Variants in IGFBP2 observed in about 807,000 individuals in gnomAD.
The protein encoded by IGFBP2 is insulin-like growth factor-binding protein 2.
In IGFBP2, 12 loss-of-function variants were observed where a neutral mutation model predicts 26.2. The ratio of observed to expected loss-of-function variants is 0.46; its 90% confidence interval spans 0.29 to 0.74. IGFBP2 has a LOEUF of 0.74. Ranked by LOEUF, IGFBP2 falls within the 30% of genes least tolerant of loss-of-function variation. IGFBP2 has a pLI of 0.09. For synonymous variants in IGFBP2, 189 were observed against 200.6 expected, an observed-to-expected ratio of 0.94 and a Z score of 0.49; for missense variants, 328 against 441.2, an observed-to-expected ratio of 0.74 and a Z score of 2.30.
chr2:216,652,076 T>C (rs1697837256), intron 1 of IGFBP2, among the ~76,000 whole-genome samples: 1 of 152,090 alleles, frequency 6.6e-6, no homozygotes, highest in Non-Finnish European at 1.5e-5. Context: ...CACATTTTTT[T>C]CTAAAGCTTG....
intron 1 of IGFBP2, among the ~76,000 whole-genome samples, chr2:216,643,794 C>T (rs1332225391): frequency 6.6e-6 from 1 of 152,178 alleles, no homozygotes; most frequent in African/African-American, 2.4e-5. Context: ...GGAGGGCTTT[C>T]ATGGTGGAGG....
At chr2:216,658,001 A>G (rs1483076823) in intron 1 of IGFBP2, among the ~76,000 whole-genome samples, 1 of 152,162 alleles carries the variant, frequency 6.6e-6, no homozygotes, top group African/African-American at 2.4e-5. Context: ...TGATGTCCCA[A>G]GATCATCGTC....
chr2:216,633,410 G>A (rs939685985), upstream of IGFBP2: 11 of 170,712 alleles, frequency 6.4e-5, no homozygotes, highest in Non-Finnish European at 9.5e-5. Flanking sequence ...CGGCTGCGGC[G>A]GCGAGGGAGG....
intron 1 of IGFBP2, among the ~76,000 whole-genome samples, chr2:216,649,338 G>A (rs1697774234): frequency 1.3e-5 from 2 of 152,098 alleles, no homozygotes; most frequent in South Asian, 2.1e-4. Flanking sequence ...AACACTTTTG[G>A]ATCTGGTTGC....
At chr2:216,660,263 A>C (rs2270360) in intron 1 of IGFBP2, among the ~76,000 whole-genome samples, 34,498 of 152,018 alleles carry the variant, frequency 0.23, 4,863 homozygotes, top group East Asian at 0.42. Context: ...TCAAATCCTG[A>C]ATCCATCGCT....
intron 2 of IGFBP2, chr2:216,661,554 C>T (rs1474223843): frequency 2.4e-5 from 11 of 461,054 alleles, no homozygotes; most frequent in South Asian, 6.1e-5. Flanking sequence ...AGACTCGAGA[C>T]GGCCACTTAG....
intron 1 of IGFBP2, among the ~76,000 whole-genome samples, chr2:216,655,958 A>G (rs1473176190): frequency 4.6e-5 from 7 of 152,078 alleles, no homozygotes; most frequent in African/African-American, 1.4e-4. Context: ...ATGCAAATGT[A>G]TTAATATTAT....
At chr2:216,659,279 T>G (rs956893408) in intron 1 of IGFBP2, among the ~76,000 whole-genome samples, 4 of 152,206 alleles carry the variant, frequency 2.6e-5, no homozygotes, top group African/African-American at 9.6e-5. Context: ...GGTGAGTGAG[T>G]GAATACTCTT....
Position 216,660,694 on chromosome 2 carries a change from A to G in IGFBP2, c.580A>G (p.Lys194Glu). Residue 194 changes from lysine to glutamate, a missense_variant, in exon 2 of 4, where the codon AAG becomes GAG. By Grantham distance (56) the Lys-to-Glu change is moderately conservative. Transcript: ENST00000233809. ...GAAGGAGCTGGCCGTGTTCCGGGAG[A>G]AGGTCACTGAGCAGCACCGGCAGAT... ...GMKELAVFRE[K>E]VTEQHRQMGK... 1 of 1,613,958 alleles carries G rather than the reference A, an allele frequency of 6.2e-7. No individual in the cohort carries two copies. The highest frequency in any genetic ancestry group is 8.5e-7 in the Non-Finnish European group (1 of 1,179,980).
rs1170618157 is a variant in IGFBP2, at chr2:216,633,562, G to GCCA, written c.41_42insACC (p.Pro16dup). ...TGGGCTGCCCCGCGCTGCCGCTGCC[G>GCCA]CCGCCGCCGCTGCTGCCGCTGCTGC... On this transcript the variant is annotated inframe_insertion, in exon 1 of 4. Coordinates refer to ENST00000233809, the MANE Select transcript of IGFBP2 (RefSeq NM_000597.3). The GCCA allele has an allele frequency of 1.0e-6, 1 of 980,152 alleles. No homozygotes were observed. Among genetic ancestry groups the GCCA allele is most frequent in the Non-Finnish European group, 1.2e-6 (1 of 836,988 alleles). 60.7% of individuals were successfully genotyped at this position (980,152 alleles called of 1,614,324 possible).
At chr2:216,652,229 A>G (rs977252409) in intron 1 of IGFBP2, among the ~76,000 whole-genome samples, 8 of 146,688 alleles carry the variant, frequency 5.5e-5, no homozygotes, top group African/African-American at 2.0e-4. Flanking sequence ...GCTGGAGCGC[A>G]ATGGCGCGAT....
At chr2:216,659,595 T>G in intron 1 of IGFBP2, 1 of 753,160 alleles carries the variant, frequency 1.3e-6, no homozygotes, top group South Asian at 1.5e-5. Flanking sequence ...CTCCTTTGGC[T>G]GGACGTGCCT....
Position 216,633,633 on chromosome 2 carries a change from A to C in IGFBP2, c.110A>C (p.Glu37Ala). The change falls in exon 1 of 4, where the codon GAG (glutamate) becomes GCG (alanine). Residue 37 changes from glutamate to alanine, a missense_variant. Coordinates refer to ENST00000233809, the MANE Select transcript of IGFBP2 (RefSeq NM_000597.3). ...ASGGGGGARAEVLFRCPPCTP... is the reference protein window; with the variant it reads ...ASGGGGGARAAVLFRCPPCTP... Reference sequence around the variant, plus strand: ...GGCGGCGGCGGCGGGGCGCGCGCGGAGGTGCTGTTCCGCTGCCCGCCCTGC... The same window carrying C: ...GGCGGCGGCGGCGGGGCGCGCGCGGCGGTGCTGTTCCGCTGCCCGCCCTGC... The C allele has an allele frequency of 9.6e-7, 1 of 1,038,362 alleles. No individual in the cohort carries two copies. The highest frequency in any genetic ancestry group is 1.2e-6 in the Non-Finnish European group (1 of 867,176). The allele number at this position is 1,038,362 out of a possible 1,614,324, so 64.3% of individuals were successfully genotyped here.
chr2:216,659,061 C>T (rs756054820), intron 1 of IGFBP2, among the ~76,000 whole-genome samples: 4 of 152,162 alleles, frequency 2.6e-5, no homozygotes, highest in Non-Finnish European at 5.9e-5. Context: ...CTGGGGACGG[C>T]GTGCTGGCTT....
At chr2:216,652,815 C>T (rs1464772033) in intron 1 of IGFBP2, among the ~76,000 whole-genome samples, 1 of 152,218 alleles carries the variant, frequency 6.6e-6, no homozygotes, top group Non-Finnish European at 1.5e-5. Context: ...GGCCAGCCTT[C>T]ATTCCCCTGG....
intron 1 of IGFBP2, among the ~76,000 whole-genome samples, chr2:216,639,562 G>T (rs1348057790): frequency 2.7e-5 from 4 of 149,454 alleles, no homozygotes; most frequent in Non-Finnish European, 4.4e-5. Context: ...AAAAAAGCTT[G>T]TTTTTTTTTT....
Position 216,634,906 on chromosome 2 carries a change from T to TGTTTTTTTA in IGFBP2, c.442+941_442+942insGTTTTTTTA, listed in dbSNP as rs371560018. Reference sequence around the variant, plus strand: ...TAAGGAGGTTACTTTTTTTTTTTTTTAATTACGAAAGCCTCCTGCCCCAGT... The same window carrying TGTTTTTTTA: ...TAAGGAGGTTACTTTTTTTTTTTTTTGTTTTTTTAAATTACGAAAGCCTCCTGCCCCAGT... On this transcript the variant is annotated intron_variant, in intron 1 of 3. Coordinates refer to ENST00000233809, the MANE Select transcript of IGFBP2 (RefSeq NM_000597.3). 2.4e-3 allele frequency among the ~76,000 whole-genome samples: 312 copies of TGTTTTTTTA among 128,520 alleles called. 4 individuals carry two copies. The highest frequency in any genetic ancestry group is 3.9e-3 in the Non-Finnish European group (239 of 61,808). 84.3% of individuals were successfully genotyped at this position (128,520 alleles called of 152,430 possible). A position where few individuals can be genotyped will look rare whatever the true frequency, so the allele number is the denominator to read the frequency against.
chr2:216,664,256 ACCTCCCCGG>A lies in IGFBP2; in HGVS notation c.*157_*165del. 4 of 549,434 alleles carry A rather than the reference ACCTCCCCGG, an allele frequency of 7.3e-6. No individual in the cohort carries two copies. Among genetic ancestry groups the A allele is most frequent in the South Asian group, 3.8e-5 (1 of 26,520 alleles). 34.0% of individuals were successfully genotyped at this position (549,434 alleles called of 1,614,324 possible). Reference sequence around the variant, plus strand: ...GAAAGAGACCAGCACCGAGCTCGGCACCTCCCCGGCCTCTCTCTTCCCAGCTGCAGATGC... The same window carrying A: ...GAAAGAGACCAGCACCGAGCTCGGCACCTCTCTCTTCCCAGCTGCAGATGC... On this transcript the variant is annotated 3_prime_UTR_variant, in exon 4 of 4. Transcript: ENST00000233809. The surrounding 1 kb of genome is among the most constrained non-coding windows in gnomAD (Gnocchi z 4.6).
At chr2:216,659,226 C>G (rs1275359373) in intron 1 of IGFBP2, among the ~76,000 whole-genome samples, 1 of 152,192 alleles carries the variant, frequency 6.6e-6, no homozygotes, top group Non-Finnish European at 1.5e-5. Context: ...TGCCAGCACC[C>G]GGTGCTGTCC....
Sources: gnomAD v4.1 joint callset for allele counts (sites outside exome capture counted in the v4.1 genomes callset) on GRCh38, gnomAD v4.1.1 for gene constraint, Gnocchi (gnomAD v3.1) non-coding constraint, MANE v1.5 for transcripts, NCBI Gene and HGNC (gene_info 2026-07-23, HGNC 2026-07-21) for gene names.